WDFY3: variants seen among roughly 807,000 people sequenced by gnomAD.
WDFY3 encodes WD repeat and FYVE domain-containing protein 3.
In WDFY3, 66 loss-of-function variants were observed where a neutral mutation model predicts 409.6. That is an observed-to-expected ratio of 0.16 (90% CI 0.13 to 0.20). The LOEUF is 0.20. Ranked by LOEUF, WDFY3 falls within the 10% of genes least tolerant of loss-of-function variation. The pLI, the probability that WDFY3 is intolerant of heterozygous loss-of-function variation, is 1.00. For synonymous variants in WDFY3, 1,521 were observed against 1,537.1 expected (o/e 0.99, Z 0.25); for missense variants, 3,031 against 4,298.1 (o/e 0.71, Z 8.24).
At chr4:84,699,215 C>T (rs1033481318) in intron 56 of WDFY3, among the ~76,000 whole-genome samples, 9 of 151,898 alleles carry the variant, frequency 5.9e-5, no homozygotes, top group African/African-American at 1.2e-4. Context: ...AGTAGCTGCC[C>T]GTATTACCTT....
chr4:84,954,429 G>C (rs958049963), intron 1 of WDFY3, among the ~76,000 whole-genome samples: 1 of 152,052 alleles, frequency 6.6e-6, no homozygotes, highest in Non-Finnish European at 1.5e-5. Flanking sequence ...CAATGCCATG[G>C]GGAAAGAACT....
chr4:84,927,762 G>C (rs1056724864), intron 2 of WDFY3, among the ~76,000 whole-genome samples: 5 of 152,200 alleles, frequency 3.3e-5, no homozygotes, highest in Non-Finnish European at 7.3e-5. Context: ...AGCCATGATT[G>C]TAAGTTTCCT....
chr4:84,707,090 C>T (rs1732089791), intron 53 of WDFY3, among the ~76,000 whole-genome samples: 1 of 151,936 alleles, frequency 6.6e-6, no homozygotes, highest in South Asian at 2.1e-4. Flanking sequence ...AGATGCATGC[C>T]ACCATGCCTG....
intron 1 of WDFY3, among the ~76,000 whole-genome samples, chr4:84,958,436 A>G (rs373161926): frequency 6.6e-6 from 1 of 152,192 alleles, no homozygotes; most frequent in Non-Finnish European, 1.5e-5. Flanking sequence ...TTTTTAAAAA[A>G]TTCCAGTTCC....
chr4:84,713,395 C>T (rs1189705258), intron 50 of WDFY3, among the ~76,000 whole-genome samples, 156 bp from the exon 51 acceptor site: 3 of 152,168 alleles, frequency 2.0e-5, no homozygotes, highest in African/African-American at 7.2e-5. Flanking sequence ...AAATTTTGGA[C>T]TTCTCTAAAG....
intron 13 of WDFY3, among the ~76,000 whole-genome samples, chr4:84,814,129 C>T (rs748100116): frequency 5.1e-4 from 77 of 152,216 alleles, no homozygotes; most frequent in Non-Finnish European, 9.7e-4. Context: ...CCAAAATACG[C>T]CACTATGGCA....
chr4:84,880,674 CATATATATATAT>C (rs61351182), intron 3 of WDFY3, among the ~76,000 whole-genome samples: 2,201 of 50,270 alleles, frequency 0.044, 50 homozygotes, highest in South Asian at 0.082. Context: ...GGGAACCATA[CATATATATATAT>C]ATATATATAT....
chr4:84,935,216 G>A (rs1250073584), intron 1 of WDFY3, among the ~76,000 whole-genome samples: 2 of 152,098 alleles, frequency 1.3e-5, no homozygotes, highest in African/African-American at 2.4e-5. Context: ...ACATGTGTCC[G>A]AGTTTCTCTT....
intron 1 of WDFY3, among the ~76,000 whole-genome samples, chr4:84,948,921 TAC>T (rs1428198054): frequency 5.9e-5 from 9 of 152,044 alleles, no homozygotes; most frequent in Non-Finnish European, 1.3e-4. Flanking sequence ...TTTCGTCATT[TAC>T]ACACACACAC....
At chr4:84,812,181 A>G (rs1001554005) in intron 13 of WDFY3, among the ~76,000 whole-genome samples, 1 of 152,234 alleles carries the variant, frequency 6.6e-6, no homozygotes, top group Non-Finnish European at 1.5e-5. Context: ...GTATGTAAAT[A>G]AAATATAAAA....
intron 36 of WDFY3, 22 bp downstream of exon 36, chr4:84,751,461 A>T (rs1740504676): frequency 1.2e-6 from 2 of 1,608,040 alleles, no homozygotes; most frequent in African/African-American, 2.7e-5. Context: ...AAAGAGATGT[A>T]AATGCGTTTC....
intron 2 of WDFY3, among the ~76,000 whole-genome samples, chr4:84,931,364 G>A (rs982290304): frequency 1.4e-4 from 22 of 152,132 alleles, no homozygotes; most frequent in Admixed American, 1.2e-3. Context: ...AGTCTGTTCC[G>A]GCAAATCAGT....
At chr4:84,797,895 C>G in intron 18 of WDFY3, 101 bp downstream of exon 18, 1 of 1,118,086 alleles carries the variant, frequency 8.9e-7, no homozygotes. Flanking sequence ...AATAATAAAC[C>G]CTTCTCTTTC....
intron 32 of WDFY3, among the ~76,000 whole-genome samples, chr4:84,757,521 A>G (rs1194768102): frequency 6.6e-6 from 1 of 152,190 alleles, no homozygotes; most frequent in East Asian, 1.9e-4. Context: ...TGAAATCCAA[A>G]ATACAGCCAA....
intron 44 of WDFY3, among the ~76,000 whole-genome samples, chr4:84,728,782 A>G (rs1244221688): frequency 6.6e-6 from 1 of 152,158 alleles, no homozygotes; most frequent in Admixed American, 6.5e-5. Context: ...CCCAGCACTC[A>G]ATAGTAAATA....
At chr4:84,715,798 A>G (rs1158439019) in intron 49 of WDFY3, among the ~76,000 whole-genome samples, 3 of 150,600 alleles carry the variant, frequency 2.0e-5, no homozygotes, top group Non-Finnish European at 4.4e-5. Flanking sequence ...AAAAAAAAAA[A>G]GAAGTTAATT....
chr4:84,701,962 T>C (rs1463310757), intron 56 of WDFY3, among the ~76,000 whole-genome samples: 2 of 152,238 alleles, frequency 1.3e-5, no homozygotes, highest in Non-Finnish European at 2.9e-5. Flanking sequence ...TTTTCACCTC[T>C]GTTTTCATCA....
chr4:84,843,586 A>G (rs540404961), intron 5 of WDFY3, among the ~76,000 whole-genome samples: 196 of 152,190 alleles, frequency 1.3e-3, no homozygotes, highest in African/African-American at 4.5e-3. Context: ...TTTTGTAGAG[A>G]CAGAGTATCG....
rs567216062 is a variant in WDFY3, at chr4:84,830,280, T to A, written c.770-1090A>T. 2.6e-5 allele frequency among the ~76,000 whole-genome samples: 4 copies of A among 152,344 alleles called. No individual in the cohort carries two copies. In the South Asian group the frequency reaches 8.3e-4, roughly 32 times the overall value. On this transcript the variant is annotated intron_variant, in intron 8 of 67. Transcript: ENST00000295888. Reference sequence around the variant, plus strand: ...TGGTGTGAAAGCAACATGTATTCAATAGAAACTGTACTTTATGTAACCATA... The same window carrying A: ...TGGTGTGAAAGCAACATGTATTCAAAAGAAACTGTACTTTATGTAACCATA...
Sources: gnomAD v4.1 joint callset for allele counts (sites outside exome capture counted in the v4.1 genomes callset) on GRCh38, gnomAD v4.1.1 for gene constraint, MANE v1.5 for transcripts, NCBI Gene and HGNC (gene_info 2026-07-23, HGNC 2026-07-21) for gene names.